BIRC6: variants seen among roughly 807,000 people sequenced by gnomAD.
The protein encoded by BIRC6 is baculoviral IAP repeat containing 6.
A neutral mutation model predicts 503.3 loss-of-function variants in BIRC6; 98 were observed. The ratio of observed to expected loss-of-function variants is 0.19; its 90% CI spans 0.17 to 0.23. The LOEUF is 0.23. BIRC6 is among the 10% of genes least tolerant of loss of function. The pLI, the probability that BIRC6 is intolerant of heterozygous loss-of-function variation, is 1.00. For synonymous variants in BIRC6, 2,240 were observed against 2,078.7 expected (o/e 1.08, Z -2.11); for missense variants, 5,360 against 5,806.0 (o/e 0.92, Z 2.50).
At position 32,415,424 on chromosome 2, in the gene BIRC6, C is replaced by G. The variant is rs780328670; in HGVS notation, c.2133C>G (p.Pro711=). The G allele has an allele frequency of 1.2e-6, 2 of 1,613,972 alleles. No individual in the cohort carries two copies. The highest frequency in any genetic ancestry group is 3.3e-5 in the Admixed American group (2 of 60,018). The part of the protein sequence containing the change: ...PDSEKWNSVF[P]KPGTLVQCLR... ...CTGAGAAGTGGAACTCTGTGTTTCC[C>G]AAGCCTGGGACTTTGGTTCAGTGCT... Residue 711 remains proline, a synonymous_variant, in exon 10 of 74, where the codon CCC becomes CCG. Transcript: ENST00000421745.
chr2:32,535,030 G>C (rs900597461), intron 61 of BIRC6, among the ~76,000 whole-genome samples: 1 of 150,914 alleles, frequency 6.6e-6, no homozygotes, highest in East Asian at 1.9e-4. Context: ...AAGACAGCTG[G>C]CCACTGCAGT....
intron 24 of BIRC6, among the ~76,000 whole-genome samples, chr2:32,464,052 T>G (rs1223102750): frequency 2.6e-5 from 4 of 152,172 alleles, no homozygotes; most frequent in Non-Finnish European, 4.4e-5. Context: ...ACCAGTCCCC[T>G]GCGCCTCTGC....
chr2:32,568,099 G>A (rs553564412), intron 65 of BIRC6, among the ~76,000 whole-genome samples: 13 of 152,000 alleles, frequency 8.6e-5, no homozygotes, highest in South Asian at 4.2e-4. Context: ...GCAACAGAGC[G>A]AGACTCCGTC....
chr2:32,467,330 AAACT>A (rs1462528327), intron 26 of BIRC6, among the ~76,000 whole-genome samples, 191 bp from the exon 27 acceptor site: 1 of 152,186 alleles, frequency 6.6e-6, no homozygotes, highest in Non-Finnish European at 1.5e-5. Flanking sequence ...TTGGGGTTCA[AAACT>A]AACACAGACT....
chr2:32,555,800 A>T (rs1017369702), intron 65 of BIRC6, among the ~76,000 whole-genome samples: 1 of 150,448 alleles, frequency 6.6e-6, no homozygotes, highest in Non-Finnish European at 1.5e-5. Flanking sequence ...CAAAAAATCA[A>T]CACTCGCCTG....
intron 65 of BIRC6, among the ~76,000 whole-genome samples, chr2:32,559,259 T>C (rs2058990718): frequency 6.6e-6 from 1 of 152,242 alleles, no homozygotes; most frequent in Admixed American, 6.5e-5. Context: ...ATTGGAAGGA[T>C]AGTGACTTCA....
intron 33 of BIRC6, among the ~76,000 whole-genome samples, chr2:32,473,745 G>A (rs1488412564): frequency 1.6e-4 from 21 of 128,342 alleles, no homozygotes; most frequent in Non-Finnish European, 2.8e-4. Flanking sequence ...GTGTGTGTGT[G>A]TGTGTATTTT....
intron 51 of BIRC6, 130 bp downstream of exon 51, chr2:32,508,389 T>A: frequency 8.3e-7 from 1 of 1,207,560 alleles, no homozygotes; most frequent in South Asian, 1.7e-5. Context: ...CATAGGTATC[T>A]GTATAATACA....
In BIRC6 at chr2:32,499,902, G is replaced by A. The variant is rs1384278536; in HGVS notation, c.8824G>A (p.Ala2942Thr). 13 of 1,614,056 alleles carry A rather than the reference G, an allele frequency of 8.1e-6. No homozygotes were observed. Among genetic ancestry groups the A allele is most frequent in the East Asian group, 2.2e-5 (1 of 44,882 alleles). ...LPLSGNREYS[A>T]RVSVTTNTTD... ...TCTTTCAGGCAATAGGGAATACAGT[G>A]CAAGAGTGTCTGTGACCACAAATAC... Residue 2942 changes from alanine (A) to threonine (T), a missense_variant, in exon 46 of 74, where the codon GCA (alanine) becomes ACA (threonine). Around this residue, in one of 16 missense-constraint regions of BIRC6, gnomAD observed 2,299 missense variants for 2,267.2 expected, o/e 1.01. Coordinates refer to ENST00000421745, the MANE Select transcript of BIRC6 (RefSeq NM_016252.4).
chr2:32,579,020 A>ATATACCTAATATATATATG (rs1367547807), intron 66 of BIRC6, among the ~76,000 whole-genome samples: 1 of 136,898 alleles, frequency 7.3e-6, no homozygotes, highest in South Asian at 2.2e-4. Context: ...CCTAATATAT[A>ATATACCTAATATATATATG]TATACCTAAT....
At chr2:32,577,927 A>C (rs1188012175) in intron 66 of BIRC6, among the ~76,000 whole-genome samples, 1 of 152,220 alleles carries the variant, frequency 6.6e-6, no homozygotes, top group African/African-American at 2.4e-5. Flanking sequence ...ATGCATGTGA[A>C]GATATAATGA....
intron 61 of BIRC6, among the ~76,000 whole-genome samples, chr2:32,540,426 A>T (rs1215797268): frequency 6.6e-6 from 1 of 152,030 alleles, no homozygotes; most frequent in Non-Finnish European, 1.5e-5. Context: ...GACATTATTC[A>T]AAGTGAGCAC....
chr2:32,606,275 C>A (rs1174437818), intron 71 of BIRC6, among the ~76,000 whole-genome samples: 1 of 152,078 alleles, frequency 6.6e-6, no homozygotes, highest in Non-Finnish European at 1.5e-5. Flanking sequence ...TGGTCTTAGA[C>A]CATAAGACCA....
At chr2:32,365,894 T>G (rs1316495533) in intron 1 of BIRC6, among the ~76,000 whole-genome samples, 1 of 152,080 alleles carries the variant, frequency 6.6e-6, no homozygotes, top group Non-Finnish European at 1.5e-5. Flanking sequence ...TTAATTTAAT[T>G]TATTTTTTGA....
chr2:32,422,190 G>T (rs953460160), intron 10 of BIRC6, among the ~76,000 whole-genome samples: 3 of 152,050 alleles, frequency 2.0e-5, no homozygotes, highest in Non-Finnish European at 4.4e-5. Context: ...TCTGAAGTGG[G>T]TCTCTTAGAT....
In BIRC6 at chr2:32,607,848, G is replaced by T. The variant is rs115560147; in HGVS notation, c.14259+205G>T. 3.0e-3 allele frequency among the ~76,000 whole-genome samples: 451 copies of T among 151,500 alleles called. 1 individual carries two copies. The highest frequency in any genetic ancestry group is 4.7e-3 in the Non-Finnish European group (321 of 67,904). On this transcript the variant is annotated intron_variant, in intron 72 of 73. Coordinates refer to ENST00000421745, the MANE Select transcript of BIRC6 (RefSeq NM_016252.4). ...AGAAAAAGATAAATTAGCCAGGCAT[G>T]GTGGCAGGCGCCTGTAATCTCAGCT...
Position 32,439,621 on chromosome 2 carries a change from C to G in BIRC6, c.3745C>G (p.Leu1249Val). ...GMRPVVRLPS[L>V]KHQSNKGYSL... ...GCGTCCTGTAGTAAGGCTTCCATCC[C>G]TAAAACACCAGAGTAACAAGGGTTA... The change falls in exon 16 of 74, where the codon CTA (leucine) becomes GTA (valine). Residue 1249 changes from leucine to valine, a missense_variant. Transcript: ENST00000421745. The G allele has an allele frequency of 6.2e-7, 1 of 1,613,912 alleles. No individual in the cohort carries two copies.
chr2:32,435,660 T>C, intron 14 of BIRC6, 75 bp downstream of exon 14: 1 of 1,424,512 alleles, frequency 7.0e-7, no homozygotes. Context: ...TCGGGCAAGA[T>C]TTCCTTATGG....
At chr2:32,606,277 A>G (rs1172970641) in intron 71 of BIRC6, among the ~76,000 whole-genome samples, 1 of 152,164 alleles carries the variant, frequency 6.6e-6, no homozygotes, top group Non-Finnish European at 1.5e-5. Context: ...GTCTTAGACC[A>G]TAAGACCATC....
Sources: gnomAD v4.1 joint callset for allele counts (sites outside exome capture counted in the v4.1 genomes callset) on GRCh38, gnomAD v4.1.1 for gene constraint, gnomAD v4.1.1 regional missense constraint, MANE v1.5 for transcripts, NCBI Gene and HGNC (gene_info 2026-07-23, HGNC 2026-07-21) for gene names.